SPTB: variants seen among roughly 807,000 people sequenced by gnomAD.
The protein encoded by SPTB is spectrin beta chain, erythrocytic.
A neutral mutation model predicts 256.2 loss-of-function variants in SPTB; 45 were observed. The observed-to-expected ratio is 0.18, with a 90% CI of 0.14 to 0.23. SPTB has a LOEUF of 0.23. Ranked by LOEUF, SPTB falls within the 10% of genes least tolerant of loss-of-function variation. The pLI is 1.00. For synonymous variants in SPTB, 1,231 were observed against 1,243.1 expected, an observed-to-expected ratio of 0.99 and a Z score of 0.21; for missense variants, 2,715 against 3,040.4, an observed-to-expected ratio of 0.89 and a Z score of 2.52.
At chr14:64,810,993 G>A (rs181844664) in intron 2 of SPTB, among the ~76,000 whole-genome samples, 9 of 152,164 alleles carry the variant, frequency 5.9e-5, no homozygotes, top group Admixed American at 5.2e-4. Context: ...GCATGCACCT[G>A]TAATCCTAGC....
Position 64,849,262 on chromosome 14 carries a change from C to A in SPTB, c.-51-26117G>T, listed in dbSNP as rs1478744549. Among the ~76,000 whole-genome samples, 15 of 152,170 alleles carry A rather than the reference C, an allele frequency of 9.9e-5. 1 individual carries two copies. The highest frequency in any genetic ancestry group is 1.9e-4 in the Non-Finnish European group (13 of 68,026). On this transcript the variant is annotated intron_variant, in intron 1 of 35. Coordinates refer to ENST00000644917, the MANE Select transcript of SPTB (RefSeq NM_001355436.2). ...TCCTCAATTGGCTTCAAACAAGAAA[C>A]CACGGACCTGAAAATGAGATGAAAA...
chr14:64,782,615 T>C, intron 19 of SPTB, 62 bp from the exon 20 acceptor site: 1 of 1,606,384 alleles, frequency 6.2e-7, no homozygotes, highest in Non-Finnish European at 8.5e-7. Context: ...TCAGCCCTGC[T>C]CCTGATGGTT....
At chr14:64,766,149 G>T (rs561556284) in intron 32 of SPTB, among the ~76,000 whole-genome samples, 282 of 150,020 alleles carry the variant, frequency 1.9e-3, no homozygotes, top group African/African-American at 6.5e-3. Flanking sequence ...GTGGGTGGGT[G>T]TGGTGTGTTT....
intron 2 of SPTB, among the ~76,000 whole-genome samples, chr14:64,805,966 A>C (rs780196357): frequency 6.6e-6 from 1 of 152,154 alleles, no homozygotes; most frequent in African/African-American, 2.4e-5. Context: ...CTAAATCAGC[A>C]TCAGCCCAGT....
At chr14:64,757,757 G>T (rs1258974040) in intron 32 of SPTB, among the ~76,000 whole-genome samples, 3 of 152,156 alleles carry the variant, frequency 2.0e-5, no homozygotes, top group African/African-American at 7.2e-5. Flanking sequence ...CTCCCAGGAG[G>T]CTGGCCAACT....
chr14:64,798,461 G>T (rs1379483864), intron 9 of SPTB, among the ~76,000 whole-genome samples: 1 of 152,192 alleles, frequency 6.6e-6, no homozygotes, highest in Non-Finnish European at 1.5e-5. Context: ...TCTAGCATAT[G>T]GGGTACAGGC....
chr14:64,757,632 C>T (rs1480206358), intron 32 of SPTB: 1 of 152,340 alleles, frequency 6.6e-6, no homozygotes, highest in Non-Finnish European at 1.5e-5. Context: ...GGCAGGGCTT[C>T]CCTTCCTCTC....
intron 13 of SPTB, 50 bp downstream of exon 13, chr14:64,794,417 T>C (rs2082729701): frequency 6.2e-7 from 1 of 1,608,396 alleles, no homozygotes. Flanking sequence ...AGGCCAGAGG[T>C]GAGGCTCTGG....
chr14:64,866,209 C>T lies in SPTB; in HGVS notation c.-52+13583G>A, dbSNP rs944904299. Reference sequence around the variant, plus strand: ...CTCGAGATGGGGTGATGATCACTAGCATTCATGACATTCCAGAGCTTCTAG... The same window carrying T: ...CTCGAGATGGGGTGATGATCACTAGTATTCATGACATTCCAGAGCTTCTAG... On this transcript the variant is annotated intron_variant, in intron 1 of 35. Transcript: ENST00000644917. This position sits in a 1 kb window ranked among gnomAD's most constrained non-coding sequence, Gnocchi z 4.6. Among the ~76,000 whole-genome samples the T allele has an allele frequency of 1.3e-5, 2 of 152,184 alleles. No homozygotes were observed. Among genetic ancestry groups the T allele is most frequent in the African/African-American group, 4.8e-5 (2 of 41,438 alleles).
chr14:64,848,880 A>G (rs556083265), intron 1 of SPTB, among the ~76,000 whole-genome samples: 87 of 152,318 alleles, frequency 5.7e-4, no homozygotes, highest in Non-Finnish European at 7.8e-4. Context: ...ATAAAAATCA[A>G]TTGACTTTTA....
At chr14:64,774,336 C>A in intron 24 of SPTB, 61 bp downstream of exon 24, 1 of 1,536,842 alleles carries the variant, frequency 6.5e-7, no homozygotes, top group Non-Finnish European at 8.8e-7. Context: ...GGGACGTTGG[C>A]TGGTGGGCCC....
chr14:64,785,435 C>A lies in SPTB; in HGVS notation c.3855+102G>T. The stretch of plus-strand genomic sequence containing the variant: ...GGTCCCCGCTCATGGAATCCCACAG[C>A]TCTTGAGCTAGAAAGGATCCCTGTG... On this transcript the variant is annotated intron_variant, in intron 18 of 35. Transcript: ENST00000644917. This position sits in a 1 kb window ranked among gnomAD's most constrained non-coding sequence, Gnocchi z 4.4. 9.4e-7 allele frequency: 1 copy of A among 1,061,998 alleles called. No homozygotes were observed. The highest frequency in any genetic ancestry group is 1.6e-5 in the African/African-American group (1 of 63,668). 65.8% of individuals were successfully genotyped at this position (1,061,998 alleles called of 1,614,324 possible).
chr14:64,791,854 A>T lies in SPTB; in HGVS notation c.2669T>A (p.Phe890Tyr). 1 of 1,614,214 alleles carries T rather than the reference A, an allele frequency of 6.2e-7. No individual in the cohort carries two copies. The highest frequency in any genetic ancestry group is 8.5e-7 in the Non-Finnish European group (1 of 1,180,028). The change falls in exon 15 of 36, where the codon TTC becomes TAC. Residue 890 changes from phenylalanine (F) to tyrosine (Y), a missense_variant and splice_region_variant. This residue lies in a region of SPTB where 2,239 missense variants were observed against 2,384.4 expected (regional missense o/e 0.94). Transcript: ENST00000644917. Reference sequence around the variant, plus strand: ...CTTCATCTCCTGGTCCAGGATGTCGAACCTGATATGGGCAAAGGAAAATAT... The same window carrying T: ...CTTCATCTCCTGGTCCAGGATGTCGTACCTGATATGGGCAAAGGAAAATAT... ...LEDLEVVQHR[F>Y]DILDQEMKTL...
chr14:64,755,599 A>G (rs1006300690), intron 32 of SPTB: 5 of 152,260 alleles, frequency 3.3e-5, no homozygotes, highest in Admixed American at 6.5e-5. Context: ...GACTTGCCCA[A>G]GGTTATACTG....
chr14:64,803,572 G>T (rs781776807), intron 4 of SPTB, 35 bp downstream of exon 4: 4 of 1,612,870 alleles, frequency 2.5e-6, no homozygotes, highest in Non-Finnish European at 3.4e-6. Flanking sequence ...AGCCTTGAGG[G>T]CTCCCTCGAC....
chr14:64,767,652 T>C lies in SPTB; in HGVS notation c.6219+11A>G. 1 of 1,613,778 alleles carries C rather than the reference T, an allele frequency of 6.2e-7. No homozygotes were observed. Among genetic ancestry groups the C allele is most frequent in the Non-Finnish European group, 8.5e-7 (1 of 1,179,996 alleles). ...ACCCTCCTGAGCCTCCCAGCACTGT[T>C]CCCTGCTCACCGTGGTGGGCTTCTC... On this transcript the variant is annotated intron_variant, in intron 30 of 35. Transcript: ENST00000644917.
chr14:64,750,487 CT>C (rs976098494), intron 33 of SPTB, among the ~76,000 whole-genome samples: 2 of 151,940 alleles, frequency 1.3e-5, no homozygotes, highest in South Asian at 2.1e-4. Flanking sequence ...TCAAATATTT[CT>C]TTTTTTGCCA....
At chr14:64,789,551 G>C (rs958799106) in intron 15 of SPTB, among the ~76,000 whole-genome samples, 5 of 152,134 alleles carry the variant, frequency 3.3e-5, no homozygotes, top group Admixed American at 2.6e-4. Context: ...GTCAGCGGGG[G>C]CCATGCCAGT....
rs1307311850 is a variant in SPTB at position 64,829,354 on chromosome 14, G to A, written c.-51-6209C>T. On this transcript the variant is annotated intron_variant, in intron 1 of 35. Transcript: ENST00000644917. ...AAAGAGGCAGAGAGTGAGGACTGCT[G>A]TAAATCAAGAGAGACTCAGGAGATG... is the stretch of plus-strand genomic sequence containing the variant. Among the ~76,000 whole-genome samples, 4 of 152,298 alleles carry A rather than the reference G, an allele frequency of 2.6e-5. No individual in the cohort carries two copies. The East Asian group carries it at 5.8e-4, about 22-fold the overall frequency.
Sources: allele counts gnomAD v4.1 joint callset (sites outside exome capture counted in the v4.1 genomes callset), GRCh38; gene constraint gnomAD v4.1.1; regional missense constraint gnomAD v4.1.1; non-coding constraint Gnocchi (gnomAD v3.1); transcripts MANE v1.5; gene names NCBI Gene and HGNC (gene_info 2026-07-23, HGNC 2026-07-21).